PLEKHA3: variants seen among roughly 807,000 people sequenced by gnomAD.
PLEKHA3 encodes pleckstrin homology domain-containing family A member 3.
Under a neutral mutation model 39.2 loss-of-function variants are expected in PLEKHA3, and 19 were observed. The ratio of observed to expected loss-of-function variants is 0.48; its 90% CI spans 0.34 to 0.71. PLEKHA3 has a LOEUF of 0.71. Ranked by LOEUF, PLEKHA3 falls within the 30% of genes least tolerant of loss-of-function variation. The pLI, the probability that PLEKHA3 is intolerant of heterozygous loss-of-function variation, is 0.01. For synonymous variants in PLEKHA3, 97 were observed against 118.6 expected (o/e 0.82, Z 1.18); for missense variants, 253 against 359.5 (o/e 0.70, Z 2.40).
At chr2:178,500,405 A>G (rs1452746826) in intron 6 of PLEKHA3, among the ~76,000 whole-genome samples, 5 of 152,128 alleles carry the variant, frequency 3.3e-5, no homozygotes, top group Admixed American at 3.3e-4. Flanking sequence ...TTTTATTTTT[A>G]TGAAAGAAAT....
intron 4 of PLEKHA3, 145 bp downstream of exon 4, chr2:178,494,134 A>G: frequency 1.3e-6 from 1 of 795,530 alleles, no homozygotes; most frequent in Non-Finnish European, 1.9e-6. Flanking sequence ...CTATCTGGAA[A>G]TCTGTAGCAT....
At position 178,510,911 on chromosome 2, in the gene PLEKHA3, A is replaced by G. The variant is rs1291691234; in HGVS notation, c.*7024A>G. 1 of 152,276 alleles carries G rather than the reference A, an allele frequency of 6.6e-6. No individual in the cohort carries two copies. Among genetic ancestry groups the G allele is most frequent in the Non-Finnish European group, 1.5e-5 (1 of 68,018 alleles). The allele number at this position is 152,276 out of a possible 1,614,324, so 9.4% of individuals were successfully genotyped here. On this transcript the variant is annotated 3_prime_UTR_variant, in exon 8 of 8. Transcript: ENST00000234453. ...ACATTTAATTTAAATACTATGTTCA[A>G]TTTTTTTAATGGTCTGCTTCAGATT...
Position 178,508,307 on chromosome 2 carries a change from C to CTTT in PLEKHA3, c.*4426_*4428dup, listed in dbSNP as rs1011142272. Reference sequence around the variant, plus strand: ...ATATATATTTTAATTTCTAAGAGGTCTTTTTTTTCTGTTTCATTTCATAAA... The same window carrying CTTT: ...ATATATATTTTAATTTCTAAGAGGTCTTTTTTTTTTTCTGTTTCATTTCATAAA... On this transcript the variant is annotated 3_prime_UTR_variant, in exon 8 of 8. Transcript: ENST00000234453. The CTTT allele has an allele frequency of 6.6e-6, 1 of 151,268 alleles. No individual in the cohort carries two copies. The highest frequency in any genetic ancestry group is 1.5e-5 in the Non-Finnish European group (1 of 67,722). The allele number at this position is 151,268 out of a possible 1,614,324, so 9.4% of individuals were successfully genotyped here.
intron 4 of PLEKHA3, among the ~76,000 whole-genome samples, chr2:178,494,892 A>G (rs1685416880): frequency 6.7e-6 from 1 of 149,848 alleles, no homozygotes; most frequent in Admixed American, 6.7e-5. Flanking sequence ...GAAATTCCCT[A>G]GCCAACTTCT....
In PLEKHA3 at chr2:178,505,555, T is replaced by TC. The variant is rs1685589863; in HGVS notation, c.*1668_*1669insC. 6.6e-6 allele frequency: 1 copy of TC among 150,768 alleles called. No homozygotes were observed. Among genetic ancestry groups the TC allele is most frequent in the African/African-American group, 2.4e-5 (1 of 41,194 alleles). The allele number at this position is 150,768 out of a possible 1,614,324, so 9.3% of individuals were successfully genotyped here. A position where few individuals can be genotyped will look rare whatever the true frequency, so the allele number is the denominator to read the frequency against. On this transcript the variant is annotated 3_prime_UTR_variant, in exon 8 of 8. Coordinates refer to ENST00000234453, the MANE Select transcript of PLEKHA3 (RefSeq NM_019091.4). ...GTTGAGCAGGTAATCAGGTTTTTCT[T>TC]GTTTTTTTTTTTTTTTTAAATTTTG...
chr2:178,485,796 A>G lies in PLEKHA3; in HGVS notation c.157+39A>G, dbSNP rs758080769. ...CAGAATTAGAGGAATTGGAGGTTAG[A>G]TAGTCAAGGGTTCTTCAGCATACTC... On this transcript the variant is annotated intron_variant, in intron 2 of 7. Transcript: ENST00000234453. 3.0e-5 allele frequency: 45 copies of G among 1,480,004 alleles called. 1 individual carries two copies. The Admixed American group carries it at 7.2e-4, about 24-fold the overall frequency. 91.7% of individuals were successfully genotyped at this position (1,480,004 alleles called of 1,614,324 possible). A position where few individuals can be genotyped will look rare whatever the true frequency, so the allele number is the denominator to read the frequency against.
rs1168134479 is a variant in PLEKHA3, at chr2:178,509,737, C to G, written c.*5850C>G. ...CAAGGGATCTGCCTGCCTTGACTTT[C>G]CAAAATTCTCGGATTACAGGCATGA... On this transcript the variant is annotated 3_prime_UTR_variant, in exon 8 of 8. Coordinates refer to ENST00000234453, the MANE Select transcript of PLEKHA3 (RefSeq NM_019091.4). 6.6e-6 allele frequency: 1 copy of G among 152,204 alleles called. No homozygotes were observed. Among genetic ancestry groups the G allele is most frequent in the South Asian group, 2.1e-4 (1 of 4,826 alleles). The allele number at this position is 152,204 out of a possible 1,614,324, so 9.4% of individuals were successfully genotyped here.
intron 4 of PLEKHA3, among the ~76,000 whole-genome samples, chr2:178,494,380 A>G (rs184770737): frequency 6.6e-6 from 1 of 152,340 alleles, no homozygotes; most frequent in Admixed American, 6.5e-5. Flanking sequence ...TTTATGAAAT[A>G]ACTTAAAACA....
At chr2:178,483,735 A>G (rs1043001748) in intron 1 of PLEKHA3, among the ~76,000 whole-genome samples, 1 of 152,198 alleles carries the variant, frequency 6.6e-6, no homozygotes. Context: ...ATGCATGATC[A>G]ATACAATATA....
intron 5 of PLEKHA3, among the ~76,000 whole-genome samples, chr2:178,497,661 C>T (rs955608261): frequency 2.0e-5 from 3 of 151,948 alleles, no homozygotes; most frequent in African/African-American, 7.3e-5. Flanking sequence ...TATGTGTGAA[C>T]AAAGAAACCA....
Position 178,501,061 on chromosome 2 carries a change from G to C in PLEKHA3, c.660G>C (p.Arg220Ser). The C allele has an allele frequency of 6.2e-7, 1 of 1,605,272 alleles. No individual in the cohort carries two copies. The change falls in exon 7 of 8, where the codon AGG becomes AGC. Residue 220 changes from arginine to serine, a missense_variant and splice_region_variant. Transcript: ENST00000234453. ...VSHPGSCSSE[R>S]SSHSIKEPVS... ...TTAATGCTTTTTACTTAATTTGCAG[G>C]AGTAGCCACTCTATAAAAGAACCAG...
At chr2:178,484,364 A>C (rs1685215526) in intron 1 of PLEKHA3, among the ~76,000 whole-genome samples, 1 of 152,222 alleles carries the variant, frequency 6.6e-6, no homozygotes. Flanking sequence ...TGCTTTAGAT[A>C]TCTCTCTTTC....
At chr2:178,502,328 A>G (rs1452978380) in intron 7 of PLEKHA3, 1 of 404,964 alleles carries the variant, frequency 2.5e-6, no homozygotes, top group African/African-American at 2.3e-5. Context: ...TTTTGAATTT[A>G]AATTGAGATG....
intron 7 of PLEKHA3, among the ~76,000 whole-genome samples, chr2:178,502,739 A>G (rs1685543316): frequency 6.6e-6 from 1 of 151,676 alleles, no homozygotes; most frequent in South Asian, 2.1e-4. Context: ...TACATGCTCT[A>G]TTATATTTAG....
chr2:178,484,944 G>C lies in PLEKHA3; in HGVS notation c.41-697G>C, dbSNP rs551485242. Among the ~76,000 whole-genome samples the C allele has an allele frequency of 3.9e-5, 6 of 152,348 alleles. No homozygotes were observed. The South Asian group carries it at 1.2e-3, about 32-fold the overall frequency. Reference sequence around the variant, plus strand: ...TGCAGTTTCTAGGATTTCAACCCTAGCTGTGCAACTGCAGACAAGGGAAGA... The same window carrying C: ...TGCAGTTTCTAGGATTTCAACCCTACCTGTGCAACTGCAGACAAGGGAAGA... On this transcript the variant is annotated intron_variant, in intron 1 of 7. Coordinates refer to ENST00000234453, the MANE Select transcript of PLEKHA3 (RefSeq NM_019091.4).
chr2:178,508,620 G>T lies in PLEKHA3; in HGVS notation c.*4733G>T, dbSNP rs577292938. ...AGGTAGAGTTGGCCTTTTCTGTTGA[G>T]GTCCCCTAAATTTCAGTGGAGGTCT... On this transcript the variant is annotated 3_prime_UTR_variant, in exon 8 of 8. Coordinates refer to ENST00000234453, the MANE Select transcript of PLEKHA3 (RefSeq NM_019091.4). 1 of 153,804 alleles carries T rather than the reference G, an allele frequency of 6.5e-6. No homozygotes were observed. Among genetic ancestry groups the T allele is most frequent in the South Asian group, 2.1e-4 (1 of 4,822 alleles). 9.5% of individuals were successfully genotyped at this position (153,804 alleles called of 1,614,324 possible). A position where few individuals can be genotyped will look rare whatever the true frequency, so the allele number is the denominator to read the frequency against.
Position 178,509,274 on chromosome 2 carries a change from TAA to T in PLEKHA3, c.*5391_*5392del, listed in dbSNP as rs887497344. On this transcript the variant is annotated 3_prime_UTR_variant, in exon 8 of 8. Transcript: ENST00000234453. ...TTAAATTCTAATAGTGTATAAAAAA[TAA>T]AAATTCTTTAGTATTAATTTGTAAT... 2.0e-5 allele frequency: 3 copies of T among 152,188 alleles called. No homozygotes were observed. The highest frequency in any genetic ancestry group is 7.2e-5 in the African/African-American group (3 of 41,456). 9.4% of individuals were successfully genotyped at this position (152,188 alleles called of 1,614,324 possible).
At chr2:178,498,801 C>CT (rs1293456406) in intron 5 of PLEKHA3, among the ~76,000 whole-genome samples, 3 of 152,036 alleles carry the variant, frequency 2.0e-5, no homozygotes, top group African/African-American at 7.2e-5. Context: ...CCAGACTCTA[C>CT]TACTGTCCTT....
chr2:178,485,171 T>A (rs1322057047), intron 1 of PLEKHA3, among the ~76,000 whole-genome samples: 1 of 152,192 alleles, frequency 6.6e-6, no homozygotes, highest in Non-Finnish European at 1.5e-5. Flanking sequence ...GGACTGGGAA[T>A]TTTAGAGATT....
Sources: allele counts gnomAD v4.1 joint callset (sites outside exome capture counted in the v4.1 genomes callset), GRCh38; gene constraint gnomAD v4.1.1; transcripts MANE v1.5; gene names NCBI Gene and HGNC (gene_info 2026-07-23, HGNC 2026-07-21).